Variants in PTK2B observed in about 807,000 individuals in gnomAD.
The protein encoded by PTK2B is protein tyrosine kinase 2 beta.
A neutral mutation model predicts 142.9 loss-of-function variants in PTK2B; 71 were observed. The observed-to-expected ratio is 0.50, with a 90% CI of 0.41 to 0.61. PTK2B has a LOEUF of 0.61. PTK2B is among the 20% of genes least tolerant of loss of function. The pLI, the probability that PTK2B is intolerant of heterozygous loss-of-function variation, is 0.00. For synonymous variants in PTK2B, 519 were observed against 503.4 expected (o/e 1.03, Z -0.42); for missense variants, 1,105 against 1,320.4 (o/e 0.84, Z 2.53).
chr8:27,446,596 C>G (rs1369913286), intron 24 of PTK2B, among the ~76,000 whole-genome samples: 1 of 152,184 alleles, frequency 6.6e-6, no homozygotes, highest in Non-Finnish European at 1.5e-5. Context: ...CACCAACCAC[C>G]TTCTTCCATA....
chr8:27,311,140 G>T (rs749928696), upstream of PTK2B: 1 of 1,604,602 alleles, frequency 6.2e-7, no homozygotes, highest in Admixed American at 1.7e-5. Flanking sequence ...AGCGCAGAGT[G>T]ACTGCGTCGC....
intron 3 of PTK2B, among the ~76,000 whole-genome samples, chr8:27,319,637 CTG>C (rs1803167018): frequency 1.1e-5 from 1 of 87,112 alleles, no homozygotes; most frequent in Non-Finnish European, 2.1e-5. Context: ...GAGCAAGACT[CTG>C]TCTCAAAAAA....
intron 12 of PTK2B, among the ~76,000 whole-genome samples, 183 bp downstream of exon 12, chr8:27,434,315 C>A (rs1294195835): frequency 6.6e-6 from 1 of 152,174 alleles, no homozygotes; most frequent in Non-Finnish European, 1.5e-5. Flanking sequence ...GCCTTCATGC[C>A]ACCTGGTGTT....
At chr8:27,377,190 A>G (rs573312869) in intron 1 of PTK2B, among the ~76,000 whole-genome samples, 42 of 152,188 alleles carry the variant, frequency 2.8e-4, no homozygotes, top group Non-Finnish European at 4.4e-4. Context: ...AATGGAATAG[A>G]TAGGTTGTTT....
At chr8:27,444,096 T>C in intron 22 of PTK2B, 110 bp from the exon 23 acceptor site, 1 of 1,146,020 alleles carries the variant, frequency 8.7e-7, no homozygotes, top group Admixed American at 1.9e-5. Context: ...CCCTCAACTT[T>C]CCTTCCTTTG....
At chr8:27,346,746 G>T (rs940454206) in intron 1 of PTK2B, among the ~76,000 whole-genome samples, 1 of 152,182 alleles carries the variant, frequency 6.6e-6, no homozygotes, top group East Asian at 1.9e-4. Flanking sequence ...ATGGAGAAAG[G>T]TATCTTTTCC....
At chr8:27,446,725 T>C (rs1452956441) in intron 24 of PTK2B, among the ~76,000 whole-genome samples, 1 of 152,230 alleles carries the variant, frequency 6.6e-6, no homozygotes, top group African/African-American at 2.4e-5. Flanking sequence ...TCACTAAACA[T>C]GACTAAAATA....
In PTK2B at chr8:27,419,909, C is replaced by T. The variant is rs771267660; in HGVS notation, c.219C>T (p.Ser73=). ...CTCCTCTGCAGGAGATCATCACCTC[C>T]ATCCTGCTGAGCGGGCGGATCGGGC... is the stretch of plus-strand genomic sequence containing the variant. ...VQTEIREIIT[S]ILLSGRIGPN... is the part of the protein sequence containing the mutation. The change falls in exon 3 of 31, where the codon TCC becomes TCT. Residue 73 remains serine (S), a synonymous_variant. Coordinates refer to ENST00000346049, the MANE Select transcript of PTK2B (RefSeq NM_173176.3). 3.7e-6 allele frequency: 6 copies of T among 1,614,184 alleles called. No homozygotes were observed. The highest frequency in any genetic ancestry group is 5.1e-6 in the Non-Finnish European group (6 of 1,180,022).
chr8:27,334,756 G>A (rs866858739), intron 1 of PTK2B, among the ~76,000 whole-genome samples: 2 of 152,094 alleles, frequency 1.3e-5, no homozygotes, highest in East Asian at 1.9e-4. Flanking sequence ...AGTGGGTGTC[G>A]CAACAGCCAG....
At chr8:27,330,809 C>T (rs566681177) in intron 1 of PTK2B, among the ~76,000 whole-genome samples, 1 of 152,276 alleles carries the variant, frequency 6.6e-6, no homozygotes, top group African/African-American at 2.4e-5. Flanking sequence ...TCAGGAGACC[C>T]TCCAGGTAGG....
intron 2 of PTK2B, among the ~76,000 whole-genome samples, chr8:27,405,809 A>G (rs1439726627): frequency 2.6e-5 from 4 of 152,212 alleles, no homozygotes; most frequent in African/African-American, 7.2e-5. Flanking sequence ...GACTTTTATC[A>G]CGTCAAAATG....
intron 2 of PTK2B, among the ~76,000 whole-genome samples, chr8:27,417,891 C>T (rs1320103705): frequency 1.3e-5 from 2 of 151,994 alleles, no homozygotes; most frequent in Non-Finnish European, 1.5e-5. Flanking sequence ...TTGGGAGTGA[C>T]GTGGGGGCTC....
intron 1 of PTK2B, among the ~76,000 whole-genome samples, chr8:27,393,428 A>T (rs376645703): frequency 6.6e-6 from 1 of 152,164 alleles, no homozygotes; most frequent in African/African-American, 2.4e-5. Flanking sequence ...TGGTGACTGC[A>T]GTTAGTGGCT....
chr8:27,387,474 C>T (rs897337201), intron 1 of PTK2B, among the ~76,000 whole-genome samples: 7 of 152,194 alleles, frequency 4.6e-5, no homozygotes, highest in African/African-American at 1.7e-4. Flanking sequence ...GTCCTACAAC[C>T]GTTCAAAACC....
intron 1 of PTK2B, among the ~76,000 whole-genome samples, chr8:27,328,837 G>A (rs1189540610): frequency 1.3e-5 from 2 of 152,138 alleles, no homozygotes; most frequent in East Asian, 3.9e-4. Context: ...CGTTCAGAAG[G>A]CATAGCCCTT....
At chr8:27,326,395 A>G (rs1803422672) in intron 1 of PTK2B, among the ~76,000 whole-genome samples, 1 of 152,134 alleles carries the variant, frequency 6.6e-6, no homozygotes, top group African/African-American at 2.4e-5. Flanking sequence ...GTGGAGCGGC[A>G]TATGGGTGAT....
Position 27,454,574 on chromosome 8 carries a change from A to G in PTK2B, c.2777A>G (p.Asp926Gly). The G allele has an allele frequency of 6.2e-7, 1 of 1,614,152 alleles. No individual in the cohort carries two copies. The highest frequency in any genetic ancestry group is 1.7e-5 in the Admixed American group (1 of 60,026). Residue 926 changes from aspartate (D) to glycine (G), a missense_variant, in exon 30 of 31, where the codon GAT (aspartate) becomes GGT (glycine). Coordinates refer to ENST00000346049, the MANE Select transcript of PTK2B (RefSeq NM_173176.3). ...CGGAAGCTCATCGGGAGCGTGGATGATCTCCTGCCTTCCTTGCCGTCATCT... is the reference window on the plus strand; with the variant it reads ...CGGAAGCTCATCGGGAGCGTGGATGGTCTCCTGCCTTCCTTGCCGTCATCT... ...TLRKLIGSVDDLLPSLPSSSR... is the reference protein window; with the variant it reads ...TLRKLIGSVDGLLPSLPSSSR...
At chr8:27,358,256 G>C (rs1805498689) in intron 1 of PTK2B, among the ~76,000 whole-genome samples, 1 of 152,184 alleles carries the variant, frequency 6.6e-6, no homozygotes, top group Non-Finnish European at 1.5e-5. Flanking sequence ...TGAGTTGACT[G>C]CTACACAGTT....
At chr8:27,382,080 G>A (rs530552905) in intron 1 of PTK2B, among the ~76,000 whole-genome samples, 1 of 152,214 alleles carries the variant, frequency 6.6e-6, no homozygotes, top group African/African-American at 2.4e-5. Context: ...CATTGGAGTA[G>A]CTAGGATTAC....
Sources: allele counts gnomAD v4.1 joint callset (sites outside exome capture counted in the v4.1 genomes callset), GRCh38; gene constraint gnomAD v4.1.1; transcripts MANE v1.5; gene names NCBI Gene and HGNC (gene_info 2026-07-23, HGNC 2026-07-21).